GRIA4: variants seen among roughly 807,000 people sequenced by gnomAD.
GRIA4 encodes the protein glutamate receptor 4.
Under a neutral mutation model 104.0 loss-of-function variants are expected in GRIA4, and 34 were observed. The observed-to-expected ratio is 0.33, with a 90% CI of 0.25 to 0.44. The LOEUF (loss-of-function observed/expected upper bound fraction) is 0.44. Ranked by LOEUF, GRIA4 falls within the 20% of genes least tolerant of loss-of-function variation. The pLI, the probability that GRIA4 is intolerant of heterozygous loss-of-function variation, is 1.00. For missense variants in GRIA4, 750 were observed against 1,096.5 expected (o/e 0.68, Z 4.46); for synonymous variants, 386 against 381.9 (o/e 1.01, Z -0.13).
intron 14 of GRIA4, among the ~76,000 whole-genome samples, chr11:105,959,155 T>G (rs1162573194): frequency 1.3e-5 from 2 of 152,148 alleles, no homozygotes; most frequent in African/African-American, 4.8e-5. Context: ...GAATGTTGGC[T>G]TGTCTTGCTA....
intron 14 of GRIA4, among the ~76,000 whole-genome samples, chr11:105,964,477 CT>C (rs1948811955): frequency 1.3e-5 from 2 of 152,132 alleles, no homozygotes; most frequent in Admixed American, 1.3e-4. Context: ...ATATGCAACA[CT>C]TTTTATTAGT....
At chr11:105,967,328 A>C (rs1008198597) in intron 14 of GRIA4, among the ~76,000 whole-genome samples, 26 of 152,204 alleles carry the variant, frequency 1.7e-4, no homozygotes, top group Non-Finnish European at 3.5e-4. Context: ...TATATATGTT[A>C]GAAAAATCTA....
rs181617781 is a variant in GRIA4 at position 105,979,972 on chromosome 11, G to T, written c.*233G>T. The T allele has an allele frequency of 7.0e-6, 3 of 425,980 alleles. No individual in the cohort carries two copies. Among genetic ancestry groups the T allele is most frequent in the Non-Finnish European group, 8.6e-6 (2 of 233,220 alleles). 26.4% of individuals were successfully genotyped at this position (425,980 alleles called of 1,614,324 possible). A position where few individuals can be genotyped will look rare whatever the true frequency, so the allele number is the denominator to read the frequency against. On this transcript the variant is annotated 3_prime_UTR_variant, in exon 17 of 17. Transcript: ENST00000282499. ...AAAACTCACAATTGAGGTTTTTTTC[G>T]GGGAGTGGGTGGGGGAGGGATCTGG...
intron 3 of GRIA4, among the ~76,000 whole-genome samples, chr11:105,687,824 T>C (rs1000150598): frequency 1.3e-5 from 2 of 152,176 alleles, no homozygotes; most frequent in African/African-American, 4.8e-5. Context: ...CTATAACACA[T>C]CATTTCATCT....
Position 105,753,001 on chromosome 11 carries a change from G to A in GRIA4, c.268G>A (p.Gly90Arg), listed in dbSNP as rs1461245818. Residue 90 changes from glycine (G) to arginine (R), a missense_variant, in exon 4 of 17, where the codon GGA becomes AGA. Physicochemically the swap from Gly to Arg is moderately radical, Grantham distance 125. Transcript: ENST00000282499. ...TTCAGTCTGTTCCCAGTATTCTAGA[G>A]GAGTATTTGCCATTTTTGGACTCTA... ...TNAFCSQYSR[G>R]VFAIFGLYDK... 1.2e-6 allele frequency: 2 copies of A among 1,613,220 alleles called. No individual in the cohort carries two copies. Among genetic ancestry groups the A allele is most frequent in the Non-Finnish European group, 1.7e-6 (2 of 1,179,378 alleles).
At chr11:105,761,407 A>G (rs756833072) in intron 4 of GRIA4, among the ~76,000 whole-genome samples, 17 of 152,170 alleles carry the variant, frequency 1.1e-4, no homozygotes, top group Non-Finnish European at 2.1e-4. Flanking sequence ...TTATGCACTA[A>G]GTACTTTACT....
In GRIA4 at chr11:105,911,775, A is replaced by AATACATATATATATATATATATAT. The variant is rs376124658; in HGVS notation, c.1269+1233_1269+1234insCATATATATATATATATATATATA. On this transcript the variant is annotated intron_variant, in intron 10 of 16. Transcript: ENST00000282499. ...AATATTTGCATGGGACTTGAAAAGC[A>AATACATATATATATATATATATAT]ATATATATATATATATATATATATA... is the stretch of plus-strand genomic sequence containing the variant. The AATACATATATATATATATATATAT allele has an allele frequency of 6.3e-4, 47 of 74,650 alleles. 2 individuals are homozygous for AATACATATATATATATATATATAT. Among genetic ancestry groups the AATACATATATATATATATATATAT allele is most frequent in the Non-Finnish European group, 1.0e-3 (39 of 39,086 alleles). The allele number at this position is 74,650 out of a possible 1,614,324, so 4.6% of individuals were successfully genotyped here.
Position 105,789,990 on chromosome 11 carries a change from C to A in GRIA4, c.487+36770C>A, listed in dbSNP as rs193005877. On this transcript the variant is annotated intron_variant, in intron 4 of 16. Coordinates refer to ENST00000282499, the MANE Select transcript of GRIA4 (RefSeq NM_000829.4). ...CAGCAACACTGATGGATGATCAAGG[C>A]AGTCTGAATCACACAAGGGGACTTT... Among the ~76,000 whole-genome samples, 911 of 152,302 alleles carry A rather than the reference C, an allele frequency of 6.0e-3. 7 individuals carry two copies. The highest frequency in any genetic ancestry group is 0.02 in the African/African-American group (845 of 41,584).
At chr11:105,902,862 A>G (rs1946908763) in intron 7 of GRIA4, among the ~76,000 whole-genome samples, 1 of 152,184 alleles carries the variant, frequency 6.6e-6, no homozygotes, top group Non-Finnish European at 1.5e-5. Context: ...TGACTAGTAC[A>G]TACCCATTTT....
intron 4 of GRIA4, among the ~76,000 whole-genome samples, chr11:105,839,017 G>A (rs561810833): frequency 6.3e-4 from 96 of 152,092 alleles, no homozygotes; most frequent in African/African-American, 2.2e-3. Context: ...TGTCTTCATT[G>A]CCCTCCACCT....
At chr11:105,921,306 G>GT (rs1947552359) in intron 11 of GRIA4, among the ~76,000 whole-genome samples, 7 of 138,850 alleles carry the variant, frequency 5.0e-5, no homozygotes, top group Admixed American at 1.4e-4. Flanking sequence ...ACCACACTTG[G>GT]GTGTGTGTGT....
At chr11:105,833,840 T>C (rs1028807686) in intron 4 of GRIA4, among the ~76,000 whole-genome samples, 43 of 152,040 alleles carry the variant, frequency 2.8e-4, no homozygotes, top group Non-Finnish European at 3.7e-4. Flanking sequence ...TGTTACCTTA[T>C]TATTTCTACA....
intron 3 of GRIA4, among the ~76,000 whole-genome samples, chr11:105,620,294 T>G (rs1043436363): frequency 1.3e-5 from 2 of 149,704 alleles, no homozygotes; most frequent in African/African-American, 4.9e-5. Flanking sequence ...TGCCAGATTT[T>G]GTGATCTCAA....
Position 105,746,192 on chromosome 11 carries a change from A to G in GRIA4, c.248-6789A>G, listed in dbSNP as rs541450613. 1.9e-3 allele frequency among the ~76,000 whole-genome samples: 285 copies of G among 152,142 alleles called. 1 individual carries two copies. The highest frequency in any genetic ancestry group is 6.6e-3 in the African/African-American group (274 of 41,536). On this transcript the variant is annotated intron_variant, in intron 3 of 16. Coordinates refer to ENST00000282499, the MANE Select transcript of GRIA4 (RefSeq NM_000829.4). ...TTGTATAATATTATTACAATATCCT[A>G]GTTATGAAGTAATAAATATTCTGAG...
chr11:105,658,255 G>C (rs1316135671), intron 3 of GRIA4, among the ~76,000 whole-genome samples: 1 of 151,726 alleles, frequency 6.6e-6, no homozygotes, highest in Non-Finnish European at 1.5e-5. Context: ...TATGCATTTA[G>C]ATGAGTTTGC....
intron 6 of GRIA4, among the ~76,000 whole-genome samples, chr11:105,894,791 A>ATTTTTTTTTTTTTTTTTTT (rs569292239): frequency 2.4e-5 from 3 of 126,384 alleles, no homozygotes; most frequent in Admixed American, 8.3e-5. Flanking sequence ...ATTGCTACAT[A>ATTTTTTTTTTTTTTTTTTT]TTTTTTTTTT....
intron 3 of GRIA4, among the ~76,000 whole-genome samples, chr11:105,640,891 A>G (rs1951340893): frequency 6.6e-6 from 1 of 151,834 alleles, no homozygotes; most frequent in Non-Finnish European, 1.5e-5. Context: ...TCCTTTGCTT[A>G]TTCTTTGGTT....
chr11:105,847,950 A>T (rs1400359810), intron 4 of GRIA4, among the ~76,000 whole-genome samples: 1 of 152,180 alleles, frequency 6.6e-6, no homozygotes, highest in Non-Finnish European at 1.5e-5. Context: ...ACTCCATGAG[A>T]TTTAATTAGT....
At chr11:105,948,255 T>A (rs1948367672) in intron 14 of GRIA4, among the ~76,000 whole-genome samples, 1 of 152,214 alleles carries the variant, frequency 6.6e-6, no homozygotes, top group Admixed American at 6.5e-5. Flanking sequence ...TTTTAAGTGA[T>A]AAGAGCAACA....
Sources: gnomAD v4.1 joint callset for allele counts (sites outside exome capture counted in the v4.1 genomes callset) on GRCh38, gnomAD v4.1.1 for gene constraint, MANE v1.5 for transcripts, NCBI Gene and HGNC (gene_info 2026-07-23, HGNC 2026-07-21) for gene names.